Variants in CABP1 observed in about 807,000 individuals in gnomAD.
CABP1 encodes calcium binding protein 1.
A neutral mutation model predicts 34.3 loss-of-function variants in CABP1; 17 were observed. That is an observed-to-expected ratio of 0.50 (90% CI 0.34 to 0.74). The LOEUF is 0.74. Among genes scored for constraint, CABP1 ranks in the 30% least tolerant of loss-of-function variants. CABP1 has a pLI of 0.01. For missense variants in CABP1, 373 were observed against 511.1 expected (o/e 0.73, Z 2.61); for synonymous variants, 198 against 229.2 (o/e 0.86, Z 1.23).
At chr12:120,676,967 G>A in the CABP1 span, among the ~76,000 whole-genome samples, 1 of 152,190 alleles carries the variant, frequency 6.6e-6, no homozygotes, top group Admixed American at 6.5e-5. Context: ...GCCGAGTGCA[G>A]TGGTACACGT....
downstream of CABP1, among the ~76,000 whole-genome samples, chr12:120,668,810 C>T (rs1203484468): frequency 6.6e-6 from 1 of 152,198 alleles, no homozygotes; most frequent in Non-Finnish European, 1.5e-5. Context: ...AGGCTTGGAG[C>T]GTACTTGGGC....
chr12:120,655,155 C>T (rs112431733), intron 1 of CABP1: 4,950 of 152,856 alleles, frequency 0.032, 93 homozygotes, highest in South Asian at 0.058. Flanking sequence ...AGGCTAGGTG[C>T]GGTGGCTCAC....
chr12:120,648,786 C>G (rs978904341), intron 1 of CABP1, among the ~76,000 whole-genome samples: 1 of 151,694 alleles, frequency 6.6e-6, no homozygotes, highest in African/African-American at 2.4e-5. Flanking sequence ...GAGGCTGAGC[C>G]AGGAGAATCG....
intron 1 of CABP1, chr12:120,655,466 C>T (rs1050289994): frequency 4.1e-6 from 4 of 968,276 alleles, no homozygotes; most frequent in East Asian, 7.9e-5. Flanking sequence ...CCACTTTGCC[C>T]CAGTCCCCAC....
chr12:120,643,138 A>G (rs1181275217), intron 1 of CABP1, among the ~76,000 whole-genome samples: 2 of 152,110 alleles, frequency 1.3e-5, no homozygotes, highest in East Asian at 1.9e-4. Flanking sequence ...CTCCGGCCCA[A>G]TGTTCTGAAA....
intron 1 of CABP1, among the ~76,000 whole-genome samples, chr12:120,657,755 C>T (rs1008223610): frequency 5.3e-5 from 8 of 152,152 alleles, no homozygotes; most frequent in Non-Finnish European, 1.0e-4. Flanking sequence ...TTGCTGCCCC[C>T]GGGGCTTTGG....
At chr12:120,656,373 C>A (rs1880220187) in intron 1 of CABP1, 1 of 1,160,198 alleles carries the variant, frequency 8.6e-7, no homozygotes, top group Non-Finnish European at 1.2e-6. Flanking sequence ...ACACCCCCAA[C>A]TTATGAATCT....
At chr12:120,675,537 T>TA in the CABP1 span, among the ~76,000 whole-genome samples, 1 of 152,218 alleles carries the variant, frequency 6.6e-6, no homozygotes, top group Non-Finnish European at 1.5e-5. Context: ...GAGTTGAACT[T>TA]AAATGTCTTT....
At chr12:120,648,011 T>G (rs965623836) in intron 1 of CABP1, among the ~76,000 whole-genome samples, 3 of 152,102 alleles carry the variant, frequency 2.0e-5, no homozygotes. Context: ...CTGGGGAAGC[T>G]CCCCAGTTAT....
intron 1 of CABP1, among the ~76,000 whole-genome samples, chr12:120,642,300 A>G (rs10849773): frequency 0.055 from 8,315 of 152,008 alleles, 696 homozygotes; most frequent in East Asian, 0.43. Context: ...GTAGGGAAAC[A>G]GGGGGGGCTG....
Position 120,650,515 on chromosome 12 carries a change from G to A in CABP1, c.654+9176G>A. The A allele has an allele frequency of 1.9e-6, 3 of 1,580,658 alleles. No homozygotes were observed. In the Admixed American group the frequency reaches 5.4e-5, roughly 29 times the overall value. ...CAAGAGAGGGCTCACATCCGTCCTG[G>A]AGGAAGAACGGCACAGACGGAGGGA... is the stretch of plus-strand genomic sequence containing the variant. On this transcript the variant is annotated intron_variant, in intron 1 of 5. Transcript: ENST00000316803.
chr12:120,641,422 C>T lies in CABP1; in HGVS notation c.654+83C>T. On this transcript the variant is annotated intron_variant, in intron 1 of 5. Coordinates refer to ENST00000316803, the MANE Select transcript of CABP1 (RefSeq NM_001033677.2). The surrounding 1 kb of genome is among the most constrained non-coding windows in gnomAD (Gnocchi z 6.7). ...CGCGGTTGCGCGTCCACAGCCTCCT[C>T]CCGCGGCCCGTGGTCCCCCACGGAT... 2 of 1,225,216 alleles carry T rather than the reference C, an allele frequency of 1.6e-6. No homozygotes were observed. The highest frequency in any genetic ancestry group is 3.1e-5 in the African/African-American group (2 of 64,104). The allele number at this position is 1,225,216 out of a possible 1,614,324, so 75.9% of individuals were successfully genotyped here.
chr12:120,657,673 C>A (rs1316381076), intron 1 of CABP1, among the ~76,000 whole-genome samples: 1 of 152,212 alleles, frequency 6.6e-6, no homozygotes, highest in Non-Finnish European at 1.5e-5. Context: ...GGTGTGTGAT[C>A]CAAGGACCAG....
chr12:120,645,952 A>G (rs945614900), intron 1 of CABP1, among the ~76,000 whole-genome samples: 4 of 152,224 alleles, frequency 2.6e-5, no homozygotes, highest in Non-Finnish European at 4.4e-5. Context: ...TTGGGAGGCC[A>G]AGTCAGGAGG....
At chr12:120,677,055 G>A in the CABP1 span, among the ~76,000 whole-genome samples, 4 of 150,670 alleles carry the variant, frequency 2.7e-5, no homozygotes, top group African/African-American at 9.7e-5. Flanking sequence ...GACTCTGTAA[G>A]TCTGTAAGGC....
At chr12:120,655,147 G>A (rs1169806640) in intron 1 of CABP1, among the ~76,000 whole-genome samples, 1 of 152,222 alleles carries the variant, frequency 6.6e-6, no homozygotes, top group Non-Finnish European at 1.5e-5. Context: ...ACCATCTCAG[G>A]CTAGGTGCGG....
intron 1 of CABP1, chr12:120,655,456 C>T: frequency 4.7e-6 from 4 of 847,616 alleles, no homozygotes; most frequent in Non-Finnish European, 5.8e-6. Context: ...GGGCATGTTT[C>T]CACTTTGCCC....
chr12:120,644,898 A>G (rs1420507806), intron 1 of CABP1, among the ~76,000 whole-genome samples: 2 of 152,168 alleles, frequency 1.3e-5, no homozygotes, highest in Non-Finnish European at 2.9e-5. Flanking sequence ...TCTGCCTCCA[A>G]GATTCAAGCC....
At chr12:120,650,674 T>C in intron 1 of CABP1, 1 of 1,613,398 alleles carries the variant, frequency 6.2e-7, no homozygotes, top group Non-Finnish European at 8.5e-7. Context: ...GAGAAATCTC[T>C]CAAGGAAGGT....
Sources: gnomAD v4.1 joint callset for allele counts (sites outside exome capture counted in the v4.1 genomes callset) on GRCh38, gnomAD v4.1.1 for gene constraint, Gnocchi (gnomAD v3.1) non-coding constraint, MANE v1.5 for transcripts, NCBI Gene and HGNC (gene_info 2026-07-23, HGNC 2026-07-21) for gene names.